ITGB3BP: variants seen among roughly 807,000 people sequenced by gnomAD.
The protein encoded by ITGB3BP is integrin subunit beta 3 binding protein.
ITGB3BP carries 27 observed loss-of-function variants against 29.1 expected under a neutral mutation model. That is an observed-to-expected ratio of 0.93 (90% confidence interval 0.68 to 1.28). ITGB3BP has a LOEUF of 1.28. Ranked by LOEUF, ITGB3BP falls within the 50% of genes most tolerant of loss-of-function variation. The pLI is 0.00. For missense variants in ITGB3BP, 192 were observed against 200.2 expected, an observed-to-expected ratio of 0.96 and a Z score of 0.25; for synonymous variants, 61 against 61.4, an observed-to-expected ratio of 0.99 and a Z score of 0.03.
intron 1 of ITGB3BP, among the ~76,000 whole-genome samples, chr1:63,518,952 A>G (rs1255092924): frequency 6.6e-6 from 1 of 152,304 alleles, no homozygotes; most frequent in East Asian, 1.9e-4. Context: ...ATAATAATAC[A>G]GTACTACTTC....
intron 7 of ITGB3BP, among the ~76,000 whole-genome samples, chr1:63,450,145 T>C (rs1644842461): frequency 1.3e-5 from 2 of 151,924 alleles, no homozygotes; most frequent in South Asian, 4.1e-4. Context: ...AGGAACATTG[T>C]AGTTTATGCT....
chr1:63,466,898 G>C (rs994256428), intron 4 of ITGB3BP, among the ~76,000 whole-genome samples: 1 of 152,174 alleles, frequency 6.6e-6, no homozygotes, highest in African/African-American at 2.4e-5. Flanking sequence ...CAGGGTGAGA[G>C]CCACCAAGAG....
chr1:63,525,661 C>A, upstream of ITGB3BP: 1 of 1,601,166 alleles, frequency 6.2e-7, no homozygotes, highest in Non-Finnish European at 8.5e-7. Flanking sequence ...TTTCCACTAA[C>A]TGAAGAGGAA....
At chr1:63,503,544 T>G (rs2100748468) in intron 2 of ITGB3BP, among the ~76,000 whole-genome samples, 1 of 152,374 alleles carries the variant, frequency 6.6e-6, no homozygotes, top group East Asian at 1.9e-4. Flanking sequence ...TTTTGTCTTT[T>G]GTTGCCCATT....
chr1:63,457,711 G>A (rs1344338230), intron 4 of ITGB3BP: 3 of 152,062 alleles, frequency 2.0e-5, no homozygotes, highest in Admixed American at 6.6e-5. Flanking sequence ...TTTGCCTCTC[G>A]CTAGACTAAA....
At chr1:63,510,512 C>T (rs1646177516) in intron 1 of ITGB3BP, among the ~76,000 whole-genome samples, 1 of 152,100 alleles carries the variant, frequency 6.6e-6, no homozygotes, top group South Asian at 2.1e-4. Flanking sequence ...TGTTTGGTGA[C>T]AATCTAAAAA....
At chr1:63,483,714 G>A (rs938297399) in intron 3 of ITGB3BP, among the ~76,000 whole-genome samples, 2 of 152,100 alleles carry the variant, frequency 1.3e-5, no homozygotes, top group African/African-American at 2.4e-5. Context: ...ATTTTGGTCA[G>A]TGACAAACCA....
At chr1:63,492,324 C>T (rs1645670405) in intron 2 of ITGB3BP, among the ~76,000 whole-genome samples, 1 of 151,946 alleles carries the variant, frequency 6.6e-6, no homozygotes, top group Non-Finnish European at 1.5e-5. Context: ...AACTACTATA[C>T]ACAGAAGGAA....
intron 1 of ITGB3BP, among the ~76,000 whole-genome samples, chr1:63,517,115 TACTATTA>T (rs1646349865): frequency 6.6e-6 from 1 of 152,080 alleles, no homozygotes; most frequent in Non-Finnish European, 1.5e-5. Context: ...TAATACCAAA[TACTATTA>T]TACAAGTTTT....
intron 4 of ITGB3BP, among the ~76,000 whole-genome samples, chr1:63,461,083 CA>C (rs35518465): frequency 0.61 from 59,583 of 97,638 alleles, 16,302 homozygotes; most frequent in Non-Finnish European, 0.69. Context: ...ACTAAAACTA[CA>C]AAAAAAAAAA....
intron 4 of ITGB3BP, chr1:63,457,732 T>C (rs974107322): frequency 2.6e-5 from 4 of 152,192 alleles, no homozygotes; most frequent in Non-Finnish European, 5.9e-5. Flanking sequence ...TTGGACCAAA[T>C]CCTTTATCTT....
chr1:63,493,070 C>CCACA (rs10643042), intron 2 of ITGB3BP, among the ~76,000 whole-genome samples: 2,839 of 146,804 alleles, frequency 0.019, 68 homozygotes, highest in African/African-American at 0.05. Context: ...GTGGATCACA[C>CCACA]CACACACACA....
intron 2 of ITGB3BP, among the ~76,000 whole-genome samples, chr1:63,495,673 AGGTGGG>A: frequency 1.0e-5 from 1 of 100,050 alleles, no homozygotes; most frequent in South Asian, 3.6e-4. Flanking sequence ...TTGTGGAGGA[AGGTGGG>A]GGTGGGGGTG....
chr1:63,487,057 GTGTT>G (rs1645544240), intron 3 of ITGB3BP, among the ~76,000 whole-genome samples: 2 of 151,922 alleles, frequency 1.3e-5, no homozygotes, highest in African/African-American at 4.8e-5. Flanking sequence ...TAGGGTCTAA[GTGTT>G]TGTATGCATT....
intron 1 of ITGB3BP, among the ~76,000 whole-genome samples, chr1:63,515,920 G>C (rs1646308602): frequency 7.1e-6 from 1 of 141,470 alleles, no homozygotes; most frequent in South Asian, 2.3e-4. Flanking sequence ...ATATCAAAAA[G>C]ACAAATGTAC....
intron 4 of ITGB3BP, among the ~76,000 whole-genome samples, chr1:63,459,887 T>C (rs1315554109): frequency 6.6e-6 from 1 of 152,058 alleles, no homozygotes; most frequent in Non-Finnish European, 1.5e-5. Flanking sequence ...CAAGAACTAC[T>C]AACAGAGAAG....
upstream of ITGB3BP, chr1:63,523,238 C>T: frequency 6.7e-7 from 1 of 1,494,916 alleles, no homozygotes; most frequent in Non-Finnish European, 9.3e-7. Context: ...AAAGCGCGCG[C>T]TGGACGTTGC....
chr1:63,526,232 T>C (rs919636813), upstream of ITGB3BP, among the ~76,000 whole-genome samples: 4 of 152,112 alleles, frequency 2.6e-5, no homozygotes, highest in African/African-American at 9.7e-5. Flanking sequence ...TATTTTTTGT[T>C]TTGTCTTTTA....
chr1:63,462,682 A>G (rs1645036527), intron 4 of ITGB3BP, among the ~76,000 whole-genome samples: 1 of 152,234 alleles, frequency 6.6e-6, no homozygotes, highest in Non-Finnish European at 1.5e-5. Context: ...ATAGGCTTAT[A>G]TCTTCATCCT....
Sources: allele counts gnomAD v4.1 joint callset (sites outside exome capture counted in the v4.1 genomes callset), GRCh38; gene constraint gnomAD v4.1.1; transcripts MANE v1.5; gene names NCBI Gene and HGNC (gene_info 2026-07-23, HGNC 2026-07-21).